SPIN2B: variants seen among roughly 807,000 people sequenced by gnomAD.
The protein encoded by SPIN2B is spindlin family member 2B, also known as spindlin-2B.
In SPIN2B, 1 loss-of-function variant was observed where a neutral mutation model predicts 9.3. The observed-to-expected ratio is 0.11, with a 90% CI of 0.04 to 0.51. The LOEUF (loss-of-function observed/expected upper bound fraction) is 0.51, where lower values mean the gene tolerates loss of function less well. SPIN2B is among the 20% of genes least tolerant of loss of function. The pLI, the probability that SPIN2B is intolerant of heterozygous loss-of-function variation, is 0.94. For missense variants in SPIN2B, 32 were observed against 174.0 expected, an observed-to-expected ratio of 0.18 and a Z score of 4.59; for synonymous variants, 15 against 63.4, an observed-to-expected ratio of 0.24 and a Z score of 3.63.
In SPIN2B at chrX:57,121,397, G is replaced by A. The variant is rs1178524875; in HGVS notation, c.-162C>T. 6.2e-5 allele frequency: 38 copies of A among 610,406 alleles called. No homozygotes were observed. Among genetic ancestry groups the A allele is most frequent in the Non-Finnish European group, 7.3e-5 (37 of 508,565 alleles). 50.3% of individuals were successfully genotyped at this position (610,406 alleles called of 1,213,427 possible). The stretch of plus-strand genomic sequence containing the variant: ...GGAGGGTAGGATCCGTAGATGAGGA[G>A]CGTGTCTAGGAGGGCGGCGAGACAG... On this transcript the variant is annotated 5_prime_UTR_variant, in exon 1 of 2. Coordinates refer to ENST00000434397, the MANE Select transcript of SPIN2B (RefSeq NM_001006681.2).
rs1927104581 is a variant in SPIN2B, at chrX:57,120,987, T to G, written c.-3+251A>C. 4 of 725,944 alleles carry G rather than the reference T, an allele frequency of 5.5e-6. No individual in the cohort carries two copies. In the South Asian group the frequency reaches 2.8e-4, roughly 52 times the overall value. 59.8% of individuals were successfully genotyped at this position (725,944 alleles called of 1,213,427 possible). A position where few individuals can be genotyped will look rare whatever the true frequency, so the allele number is the denominator to read the frequency against. On this transcript the variant is annotated intron_variant, in intron 1 of 1. Transcript: ENST00000434397. ...AGGCCTTGACCGGCACCCACTGCCC[T>G]CCTTCCCTGAGCGTCCCAGCTGCTG... is the stretch of plus-strand genomic sequence containing the variant.
rs942278361 is a variant in SPIN2B at position 57,121,356 on chromosome X, A to G, written c.-121T>C. Reference sequence around the variant, plus strand: ...GGTCAGCAGGCGACCGGCCGAGTGAATGCTTGCAAGAGCGGGGAGGGTAGG... The same window carrying G: ...GGTCAGCAGGCGACCGGCCGAGTGAGTGCTTGCAAGAGCGGGGAGGGTAGG... On this transcript the variant is annotated 5_prime_UTR_variant, in exon 1 of 2. Coordinates refer to ENST00000434397, the MANE Select transcript of SPIN2B (RefSeq NM_001006681.2). 1 of 714,344 alleles carries G rather than the reference A, an allele frequency of 1.4e-6. No individual in the cohort carries two copies. Among genetic ancestry groups the G allele is most frequent in the African/African-American group, 2.4e-5 (1 of 42,550 alleles). The allele number at this position is 714,344 out of a possible 1,213,427, so 58.9% of individuals were successfully genotyped here. A position where few individuals can be genotyped will look rare whatever the true frequency, so the allele number is the denominator to read the frequency against.
At chrX:57,121,034 C>A in intron 1 of SPIN2B, 2 of 753,835 alleles carry the variant, frequency 2.7e-6, no homozygotes, top group Non-Finnish European at 3.1e-6. Flanking sequence ...CCCTGCCTAC[C>A]CTAACCACTT....
At chrX:57,121,078 C>T (rs1927124862) in intron 1 of SPIN2B, 160 bp downstream of exon 1, 1 of 752,544 alleles carries the variant, frequency 1.3e-6, no homozygotes. Context: ...TCCCGGCGCT[C>T]ACCTTCAAAT....
At chrX:57,121,151 C>T (rs1246536094) in intron 1 of SPIN2B, 87 bp downstream of exon 1, 1 of 771,645 alleles carries the variant, frequency 1.3e-6, no homozygotes, top group Admixed American at 7.2e-5. Context: ...CCACCCCACC[C>T]TTGCCTGGCG....
rs1276060096 is a variant in SPIN2B, at chrX:57,119,976, T to C, written c.654A>G (p.Lys218=). ...GLIGKHVEYT[K]EDGSKRIGMV... ...TGCCGATCCTTTTGGAGCCATCTTC[T>C]TTGGTATATTCCACATGCTTACCTA... The change falls in exon 2 of 2, where the codon AAA becomes AAG. Residue 218 remains lysine (K), a synonymous_variant. Coordinates refer to ENST00000434397, the MANE Select transcript of SPIN2B (RefSeq NM_001006681.2). The C allele has an allele frequency of 2.6e-5, 31 of 1,211,114 alleles. No homozygotes were observed. The highest frequency in any genetic ancestry group is 3.5e-5 in the Non-Finnish European group (31 of 895,415).
chrX:57,121,207 T>C, intron 1 of SPIN2B, 31 bp downstream of exon 1: 1 of 751,650 alleles, frequency 1.3e-6, no homozygotes, highest in East Asian at 1.5e-4. Context: ...CCCATCCCCC[T>C]CTCCATTCTG....
chrX:57,119,700 G>T lies in SPIN2B; in HGVS notation c.*153C>A. On this transcript the variant is annotated 3_prime_UTR_variant, in exon 2 of 2. Transcript: ENST00000434397. ...CAGCATGTCATGTACACACAAGTTT[G>T]TATTTTTTAGAGCAAAACAACAGTT... is the stretch of plus-strand genomic sequence containing the variant. 1 of 1,066,253 alleles carries T rather than the reference G, an allele frequency of 9.4e-7. No homozygotes were observed. The highest frequency in any genetic ancestry group is 1.2e-6 in the Non-Finnish European group (1 of 810,338). The allele number at this position is 1,066,253 out of a possible 1,213,427, so 87.9% of individuals were successfully genotyped here. A position where few individuals can be genotyped will look rare whatever the true frequency, so the allele number is the denominator to read the frequency against.
rs919405558 is a variant in SPIN2B, at chrX:57,121,378, TA to T, written c.-144del. The T allele has an allele frequency of 3.1e-6, 2 of 654,655 alleles. No homozygotes were observed. Among genetic ancestry groups the T allele is most frequent in the Non-Finnish European group, 1.8e-6 (1 of 549,741 alleles). 54.0% of individuals were successfully genotyped at this position (654,655 alleles called of 1,213,427 possible). A position where few individuals can be genotyped will look rare whatever the true frequency, so the allele number is the denominator to read the frequency against. ...TGAATGCTTGCAAGAGCGGGGAGGG[TA>T]GGATCCGTAGATGAGGAGCGTGTCT... On this transcript the variant is annotated 5_prime_UTR_variant, in exon 1 of 2. Transcript: ENST00000434397.
In SPIN2B at chrX:57,121,305, T is replaced by G; in HGVS notation, c.-70A>C. 2.6e-6 allele frequency: 2 copies of G among 757,604 alleles called. No individual in the cohort carries two copies. Among genetic ancestry groups the G allele is most frequent in the Non-Finnish European group, 3.1e-6 (2 of 640,375 alleles). 62.4% of individuals were successfully genotyped at this position (757,604 alleles called of 1,213,427 possible). A position where few individuals can be genotyped will look rare whatever the true frequency, so the allele number is the denominator to read the frequency against. Reference sequence around the variant, plus strand: ...CCAAATCGGACACCTCGCTGCTGCCTCCGCTACGAGCCTGTGGCGAAGGAG... The same window carrying G: ...CCAAATCGGACACCTCGCTGCTGCCGCCGCTACGAGCCTGTGGCGAAGGAG... On this transcript the variant is annotated 5_prime_UTR_variant, in exon 1 of 2. Transcript: ENST00000434397.
At chrX:57,121,118 T>C in intron 1 of SPIN2B, 120 bp downstream of exon 1, 1 of 796,771 alleles carries the variant, frequency 1.3e-6, no homozygotes, top group Non-Finnish European at 1.5e-6. Context: ...CTACCCCCTT[T>C]TCATGTTGCT....
chrX:57,121,071 C>A, intron 1 of SPIN2B, 167 bp downstream of exon 1: 29 of 754,307 alleles, frequency 3.8e-5, no homozygotes, highest in Non-Finnish European at 4.5e-5. Flanking sequence ...CCTTGCTTCC[C>A]GGCGCTCACC....
In SPIN2B at chrX:57,121,358, G is replaced by A; in HGVS notation, c.-123C>T. On this transcript the variant is annotated 5_prime_UTR_variant, in exon 1 of 2. Coordinates refer to ENST00000434397, the MANE Select transcript of SPIN2B (RefSeq NM_001006681.2). ...TCAGCAGGCGACCGGCCGAGTGAAT[G>A]CTTGCAAGAGCGGGGAGGGTAGGAT... The A allele has an allele frequency of 1.4e-6, 1 of 703,658 alleles. No individual in the cohort carries two copies. Among genetic ancestry groups the A allele is most frequent in the Non-Finnish European group, 1.7e-6 (1 of 592,046 alleles). 58.0% of individuals were successfully genotyped at this position (703,658 alleles called of 1,213,427 possible).
chrX:57,121,113 C>A, intron 1 of SPIN2B, 125 bp downstream of exon 1: 2 of 802,516 alleles, frequency 2.5e-6, no homozygotes, highest in South Asian at 5.3e-5. Flanking sequence ...CGTTCCTACC[C>A]CCTTTTCATG....
Position 57,120,313 on chromosome X carries a change from G to A in SPIN2B, c.317C>T (p.Ser106Phe), listed in dbSNP as rs764497723. The A allele has an allele frequency of 7.6e-6, 9 of 1,187,098 alleles. No homozygotes were observed. Among genetic ancestry groups the A allele is most frequent in the Admixed American group, 4.6e-5 (2 of 43,560 alleles). The part of the protein sequence containing the change: ...LELHRDERVL[S>F]LKILSDRVAS... ...CACCCTGTCAGAAAGAATTTTAAGA[G>A]ACAAAACCCTTTCATCTCTGTGAAG... The change falls in exon 2 of 2, where the codon TCT becomes TTT. Residue 106 changes from serine (S) to phenylalanine (F), a missense_variant. Transcript: ENST00000434397.
chrX:57,121,312 C>A lies in SPIN2B; in HGVS notation c.-77G>T. 2 of 757,262 alleles carry A rather than the reference C, an allele frequency of 2.6e-6. No homozygotes were observed. The highest frequency in any genetic ancestry group is 1.6e-6 in the Non-Finnish European group (1 of 640,064). The allele number at this position is 757,262 out of a possible 1,213,427, so 62.4% of individuals were successfully genotyped here. ...GGACACCTCGCTGCTGCCTCCGCTA[C>A]GAGCCTGTGGCGAAGGAGGGTCAGC... On this transcript the variant is annotated 5_prime_UTR_variant, in exon 1 of 2. Transcript: ENST00000434397.
chrX:57,121,216 T>C, intron 1 of SPIN2B, 22 bp downstream of exon 1: 1 of 761,727 alleles, frequency 1.3e-6, no homozygotes, highest in Non-Finnish European at 1.6e-6. Flanking sequence ...CTCTCCATTC[T>C]GGCGCCCACT....
intron 1 of SPIN2B, chrX:57,120,950 C>A: frequency 1.6e-6 from 1 of 627,547 alleles, no homozygotes. Context: ...CACTTCCAAT[C>A]CCCTTGCAAA....
chrX:57,121,119 T>A (rs1428294532), intron 1 of SPIN2B, 119 bp downstream of exon 1: 2 of 794,024 alleles, frequency 2.5e-6, no homozygotes, highest in East Asian at 2.3e-4. Flanking sequence ...TACCCCCTTT[T>A]CATGTTGCTC....
Sources: gnomAD v4.1 joint callset for allele counts on GRCh38, gnomAD v4.1.1 for gene constraint, MANE v1.5 for transcripts, NCBI Gene and HGNC (gene_info 2026-07-23, HGNC 2026-07-21) for gene names.